ATAD2B: variants seen among roughly 807,000 people sequenced by gnomAD.
ATAD2B encodes the protein ATPase family AAA domain-containing protein 2B.
A neutral mutation model predicts 167.6 loss-of-function variants in ATAD2B; 40 were observed. That is an observed-to-expected ratio of 0.24 (90% CI 0.19 to 0.31). The LOEUF is 0.31. Among genes scored for constraint, ATAD2B ranks in the 10% least tolerant of loss-of-function variants. The pLI, the probability that ATAD2B is intolerant of heterozygous loss-of-function variation, is 1.00. For missense variants in ATAD2B, 1,242 were observed against 1,757.2 expected (o/e 0.71, Z 5.24); for synonymous variants, 579 against 596.5 (o/e 0.97, Z 0.43).
intron 2 of ATAD2B, among the ~76,000 whole-genome samples, chr2:23,895,229 GT>G (rs1373740744): frequency 1.3e-5 from 2 of 152,036 alleles, no homozygotes; most frequent in African/African-American, 4.8e-5. Flanking sequence ...TGATTTCAAT[GT>G]TTAAATCTTT....
At chr2:23,809,393 A>G (rs538737237) in intron 18 of ATAD2B, among the ~76,000 whole-genome samples, 91 of 152,264 alleles carry the variant, frequency 6.0e-4, no homozygotes, top group Non-Finnish European at 1.1e-3. Flanking sequence ...CTAAATCAAT[A>G]CTACTATGAA....
the ATAD2B span, among the ~76,000 whole-genome samples, chr2:23,682,209 C>T: frequency 1.3e-5 from 2 of 152,214 alleles, no homozygotes; most frequent in Non-Finnish European, 2.9e-5. This position sits in a 1 kb window ranked among gnomAD's most constrained non-coding sequence, Gnocchi z 4.1. Flanking sequence ...CTTCTCACCT[C>T]TCCCTCGGAA....
At chr2:23,696,354 C>T in the ATAD2B span, 31 of 1,551,608 alleles carry the variant, frequency 2.0e-5, no homozygotes, top group African/African-American at 2.7e-5. This position sits in a 1 kb window ranked among gnomAD's most constrained non-coding sequence, Gnocchi z 5.5. Flanking sequence ...TCAGGGGTGA[C>T]GCTGGCTGAT....
chr2:23,847,470 A>G (rs1297040803), intron 13 of ATAD2B, among the ~76,000 whole-genome samples: 13 of 151,588 alleles, frequency 8.6e-5, no homozygotes, highest in Non-Finnish European at 1.8e-4. Flanking sequence ...GCGCCACTGC[A>G]CTCCAGCCTG....
At chr2:23,856,559 A>T (rs1354330568) in intron 13 of ATAD2B, 3 of 215,630 alleles carry the variant, frequency 1.4e-5, no homozygotes, top group African/African-American at 2.4e-5. Flanking sequence ...AGAATAAAAT[A>T]TTAGCATACA....
At chr2:23,693,438 C>CGT in the ATAD2B span, 1 of 1,551,740 alleles carries the variant, frequency 6.4e-7, no homozygotes, top group Non-Finnish European at 8.7e-7. Flanking sequence ...TCGCCTACGT[C>CGT]TCCAACGACA....
At position 23,750,126 on chromosome 2, in the gene ATAD2B, A is replaced by C. The variant is rs1675194169; in HGVS notation, c.*1920T>G. 6.6e-6 allele frequency: 1 copy of C among 152,134 alleles called. No homozygotes were observed. The highest frequency in any genetic ancestry group is 1.5e-5 in the Non-Finnish European group (1 of 68,004). The allele number at this position is 152,134 out of a possible 1,614,324, so 9.4% of individuals were successfully genotyped here. On this transcript the variant is annotated 3_prime_UTR_variant, in exon 28 of 28. Coordinates refer to ENST00000238789, the MANE Select transcript of ATAD2B (RefSeq NM_017552.4). ...GGTATGATGGTAATAAATACTAAAG[A>C]AAGCATGAAAATCCTCCCAATAATC...
intron 22 of ATAD2B, among the ~76,000 whole-genome samples, chr2:23,774,072 A>C (rs1317519426): frequency 6.6e-6 from 1 of 152,198 alleles, no homozygotes; most frequent in African/African-American, 2.4e-5. Flanking sequence ...ATTAGCTGAG[A>C]TTTTGTTCAA....
chr2:23,783,636 A>G (rs1283737865), intron 21 of ATAD2B, among the ~76,000 whole-genome samples: 1 of 152,094 alleles, frequency 6.6e-6, no homozygotes, highest in Non-Finnish European at 1.5e-5. Flanking sequence ...ACAAACAAAC[A>G]AACATGCTGC....
intron 16 of ATAD2B, among the ~76,000 whole-genome samples, chr2:23,820,148 A>G (rs952854396): frequency 1.3e-5 from 2 of 152,038 alleles, no homozygotes; most frequent in African/African-American, 4.8e-5. Context: ...AAAAAAAACA[A>G]GTCTGGAAAA....
chr2:23,814,828 G>A (rs1558584112), intron 17 of ATAD2B, among the ~76,000 whole-genome samples: 1 of 152,080 alleles, frequency 6.6e-6, no homozygotes, highest in Non-Finnish European at 1.5e-5. Flanking sequence ...GCCAAGGCGG[G>A]CAGATCATGA....
chr2:23,761,624 C>G (rs1676753430), intron 24 of ATAD2B, among the ~76,000 whole-genome samples: 1 of 152,150 alleles, frequency 6.6e-6, no homozygotes, highest in Non-Finnish European at 1.5e-5. Flanking sequence ...CAGAAGAACT[C>G]TATTAGAAAG....
intron 22 of ATAD2B, among the ~76,000 whole-genome samples, chr2:23,772,726 CT>C (rs34100596): frequency 6.6e-6 from 1 of 151,074 alleles, no homozygotes; most frequent in Non-Finnish European, 1.5e-5. Flanking sequence ...GGGAACACTG[CT>C]TTTTTGGGGG....
chr2:23,909,215 T>G (rs1057085612), intron 1 of ATAD2B, among the ~76,000 whole-genome samples: 1 of 150,054 alleles, frequency 6.7e-6, no homozygotes, highest in Middle Eastern at 3.5e-3. Context: ...AAAAATGAAA[T>G]AAGCCAGATG....
chr2:23,905,990 T>C (rs183620858), intron 1 of ATAD2B, among the ~76,000 whole-genome samples: 3 of 152,226 alleles, frequency 2.0e-5, no homozygotes, highest in Admixed American at 2.0e-4. Flanking sequence ...AGAAAACCTA[T>C]GAAAATTTAA....
intron 14 of ATAD2B, among the ~76,000 whole-genome samples, chr2:23,830,212 G>A (rs1180617638): frequency 6.6e-6 from 1 of 152,024 alleles, no homozygotes; most frequent in East Asian, 1.9e-4. Context: ...TTGAACTCCC[G>A]ACCTCAACTG....
chr2:23,734,887 A>G, the ATAD2B span, among the ~76,000 whole-genome samples: 7 of 152,142 alleles, frequency 4.6e-5, no homozygotes, highest in African/African-American at 1.2e-4. Flanking sequence ...ATTTTTCTTA[A>G]TATGTCTTTT....
At chr2:23,712,799 T>C in the ATAD2B span, among the ~76,000 whole-genome samples, 1 of 152,002 alleles carries the variant, frequency 6.6e-6, no homozygotes, top group South Asian at 2.1e-4. Flanking sequence ...ACTCCAAGAA[T>C]GTGTGTTCAC....
At chr2:23,741,286 T>C in the ATAD2B span, among the ~76,000 whole-genome samples, 2 of 152,224 alleles carry the variant, frequency 1.3e-5, no homozygotes, top group South Asian at 4.1e-4. Context: ...GGCATCATGC[T>C]ACCTGACTTC....
Sources: allele counts gnomAD v4.1 joint callset (sites outside exome capture counted in the v4.1 genomes callset), GRCh38; gene constraint gnomAD v4.1.1; non-coding constraint Gnocchi (gnomAD v3.1); transcripts MANE v1.5; gene names NCBI Gene and HGNC (gene_info 2026-07-23, HGNC 2026-07-21).